The following CNTN4 variants were observed in gnomAD, a reference collection of about 807,000 sequenced individuals.
The protein encoded by CNTN4 is contactin-4.
CNTN4 carries 77 observed loss-of-function variants against 122.5 expected under a neutral mutation model. The ratio of observed to expected loss-of-function variants is 0.63; its 90% CI spans 0.52 to 0.76. The LOEUF is 0.76. CNTN4 is among the 30% of genes least tolerant of loss of function. The pLI is 0.00. For missense variants in CNTN4, 1,256 were observed against 1,259.1 expected (o/e 1.00, Z 0.04); for synonymous variants, 512 against 447.0 (o/e 1.15, Z -1.83).
intron 6 of CNTN4, among the ~76,000 whole-genome samples, chr3:2,770,096 C>G (rs2149762689): frequency 6.6e-6 from 1 of 151,042 alleles, no homozygotes; most frequent in Middle Eastern, 3.4e-3. Flanking sequence ...ATGGCGTGAT[C>G]TCAGCTCACT....
chr3:2,907,446 G>C (rs1206955073), intron 12 of CNTN4, among the ~76,000 whole-genome samples: 1 of 152,030 alleles, frequency 6.6e-6, no homozygotes, highest in African/African-American at 2.4e-5. Flanking sequence ...GGTGGTGCAT[G>C]CTTGTCGTCC....
intron 4 of CNTN4, among the ~76,000 whole-genome samples, chr3:2,677,543 A>G (rs79490046): frequency 0.17 from 25,160 of 147,702 alleles, 2,289 homozygotes; most frequent in Admixed American, 0.23. Context: ...AAGAGCACAC[A>G]CTTACGACTG....
At chr3:2,597,266 T>G (rs529735959) in intron 4 of CNTN4, among the ~76,000 whole-genome samples, 34 of 152,280 alleles carry the variant, frequency 2.2e-4, no homozygotes, top group Non-Finnish European at 4.4e-4. Flanking sequence ...TTGAGGCCAG[T>G]ACTTCGTTAG....
chr3:2,870,622 G>A (rs1006106381), intron 8 of CNTN4, among the ~76,000 whole-genome samples: 1 of 152,076 alleles, frequency 6.6e-6, no homozygotes, highest in Non-Finnish European at 1.5e-5. Flanking sequence ...GGTGAGTATA[G>A]AATTTGTACA....
chr3:2,548,882 G>C (rs1192759476), intron 3 of CNTN4, among the ~76,000 whole-genome samples: 2 of 152,066 alleles, frequency 1.3e-5, no homozygotes, highest in African/African-American at 4.8e-5. Flanking sequence ...TCCTTGAAGA[G>C]GTCCTTTGCA....
rs564204842 is a variant in CNTN4 at position 2,838,733 on chromosome 3, A to G, written c.454+19152A>G. Among the ~76,000 whole-genome samples the G allele has an allele frequency of 5.9e-5, 9 of 152,248 alleles. No individual in the cohort carries two copies. The East Asian group carries it at 1.7e-3, about 29-fold the overall frequency. ...CTCTGCTTGCAGTTCTGCCTTCAACACATCTGTCAGCACCACTTCCCAAGG... is the reference window on the plus strand; with the variant it reads ...CTCTGCTTGCAGTTCTGCCTTCAACGCATCTGTCAGCACCACTTCCCAAGG... On this transcript the variant is annotated intron_variant, in intron 7 of 24. Coordinates refer to ENST00000418658, the MANE Select transcript of CNTN4 (RefSeq NM_175607.3).
intron 2 of CNTN4, among the ~76,000 whole-genome samples, chr3:2,120,284 A>T (rs1299373418): frequency 6.8e-6 from 1 of 148,034 alleles, no homozygotes; most frequent in Non-Finnish European, 1.5e-5. Context: ...CATTAGTTTC[A>T]CACTTTACTA....
At chr3:2,318,156 G>A (rs2150189477) in intron 2 of CNTN4, among the ~76,000 whole-genome samples, 1 of 151,144 alleles carries the variant, frequency 6.6e-6, no homozygotes, top group East Asian at 2.0e-4. Flanking sequence ...AGGCCACAGT[G>A]TGTGATGATT....
At chr3:2,315,641 C>A (rs1446651226) in intron 2 of CNTN4, among the ~76,000 whole-genome samples, 1 of 151,762 alleles carries the variant, frequency 6.6e-6, no homozygotes, top group Non-Finnish European at 1.5e-5. Flanking sequence ...CTGAACTGGC[C>A]CATTTTTAGC....
chr3:2,298,720 A>C (rs1305582902), intron 2 of CNTN4, among the ~76,000 whole-genome samples: 2 of 152,218 alleles, frequency 1.3e-5, no homozygotes, highest in Non-Finnish European at 1.5e-5. Flanking sequence ...TACTTAGTGA[A>C]TGTTATTCCT....
intron 4 of CNTN4, among the ~76,000 whole-genome samples, chr3:2,694,100 C>T (rs1172121947): frequency 2.0e-5 from 3 of 152,170 alleles, no homozygotes; most frequent in Non-Finnish European, 4.4e-5. Context: ...TTGCCCAAGT[C>T]TTTGCCTGTT....
chr3:2,914,980 C>G (rs963687017), intron 12 of CNTN4, among the ~76,000 whole-genome samples: 1 of 152,198 alleles, frequency 6.6e-6, no homozygotes, highest in Non-Finnish European at 1.5e-5. Flanking sequence ...ATACAATAAT[C>G]AGTTAATATA....
At chr3:2,516,478 C>A (rs1297693102) in intron 3 of CNTN4, among the ~76,000 whole-genome samples, 1 of 152,092 alleles carries the variant, frequency 6.6e-6, no homozygotes. Context: ...TCTAGTACCT[C>A]TGTTGACTTG....
chr3:2,666,492 C>G (rs2084171482), intron 4 of CNTN4, among the ~76,000 whole-genome samples: 1 of 152,010 alleles, frequency 6.6e-6, no homozygotes, highest in African/African-American at 2.4e-5. Context: ...GTTGATTTTT[C>G]CAAAGTAAGA....
chr3:2,312,635 A>G lies in CNTN4; in HGVS notation c.-144-26543A>G, dbSNP rs369148322. Among the ~76,000 whole-genome samples the G allele has an allele frequency of 3.9e-5, 6 of 152,234 alleles. No homozygotes were observed. In the East Asian group the frequency reaches 1.2e-3, roughly 29 times the overall value. The stretch of plus-strand genomic sequence containing the variant: ...TGGTTTGGTCCTTTCCAATAATAAA[A>G]AAAATGGTGCGTTTTGGAATACTTG... On this transcript the variant is annotated intron_variant, in intron 2 of 24. Transcript: ENST00000418658.
At chr3:2,642,591 T>C (rs2082943649) in intron 4 of CNTN4, among the ~76,000 whole-genome samples, 1 of 152,178 alleles carries the variant, frequency 6.6e-6, no homozygotes, top group African/African-American at 2.4e-5. Context: ...TATACAGGTA[T>C]GTGTATACAG....
chr3:2,588,334 T>C (rs2080300917), intron 4 of CNTN4, among the ~76,000 whole-genome samples: 1 of 152,036 alleles, frequency 6.6e-6, no homozygotes, highest in African/African-American at 2.4e-5. Flanking sequence ...GAAAGAGGAG[T>C]GACTTATTCT....
chr3:2,346,031 TC>T (rs2044385632), intron 3 of CNTN4, among the ~76,000 whole-genome samples: 1 of 152,150 alleles, frequency 6.6e-6, no homozygotes, highest in Non-Finnish European at 1.5e-5. Flanking sequence ...GTGTGAATTT[TC>T]CCCCCTTCTT....
chr3:2,399,528 C>G (rs1417257089), intron 3 of CNTN4, among the ~76,000 whole-genome samples: 1 of 151,984 alleles, frequency 6.6e-6, no homozygotes, highest in Non-Finnish European at 1.5e-5. Flanking sequence ...TTACTAGTTA[C>G]ATAAGTTCTC....
Sources: allele counts gnomAD v4.1 joint callset (sites outside exome capture counted in the v4.1 genomes callset), GRCh38; gene constraint gnomAD v4.1.1; transcripts MANE v1.5; gene names NCBI Gene and HGNC (gene_info 2026-07-23, HGNC 2026-07-21).